MMP28: variants seen among roughly 807,000 people sequenced by gnomAD.
MMP28 encodes the protein matrix metallopeptidase 28.
A neutral mutation model predicts 60.5 loss-of-function variants in MMP28; 55 were observed. That is an observed-to-expected ratio of 0.91 (90% confidence interval 0.73 to 1.14). The LOEUF (loss-of-function observed/expected upper bound fraction) is 1.14, where lower values mean the gene tolerates loss of function less well. Ranked by LOEUF, MMP28 falls within the 50% of genes most tolerant of loss-of-function variation. The probability of loss-of-function intolerance (pLI) is 0.00; values close to 1 mark genes in which losing one functional copy is unlikely to be tolerated. For missense variants in MMP28, 686 were observed against 738.3 expected (o/e 0.93, Z 0.82); for synonymous variants, 318 against 312.5 (o/e 1.02, Z -0.18).
At chr17:35,791,233 G>T (rs1262157619) in intron 1 of MMP28, among the ~76,000 whole-genome samples, 1 of 151,930 alleles carries the variant, frequency 6.6e-6, no homozygotes, top group Non-Finnish European at 1.5e-5. Context: ...GGAAGCAGGG[G>T]TGGGCAAATA....
At chr17:35,776,031 C>T (rs1454719042) in intron 3 of MMP28, among the ~76,000 whole-genome samples, 1 of 151,790 alleles carries the variant, frequency 6.6e-6, no homozygotes, top group Non-Finnish European at 1.5e-5. Flanking sequence ...CCCCCCACCA[C>T]GCCTGGCTAA....
intron 2 of MMP28, chr17:35,757,148 C>T (rs2085748826): frequency 2.0e-5 from 3 of 148,704 alleles, no homozygotes; most frequent in Admixed American, 2.0e-4. Flanking sequence ...GAGACTCTGT[C>T]TCAAAATAAA....
chr17:35,787,899 CTT>C (rs532350874), intron 1 of MMP28, among the ~76,000 whole-genome samples: 6,567 of 103,930 alleles, frequency 0.063, 66 homozygotes, highest in South Asian at 0.13. Flanking sequence ...TTTTCTTTCC[CTT>C]TTTTTTTTTT....
chr17:35,761,041 A>C, downstream of MMP28: 1 of 1,434,624 alleles, frequency 7.0e-7, no homozygotes, highest in Non-Finnish European at 9.3e-7. Flanking sequence ...CATGAAGTCC[A>C]ACCTTTTCTC....
chr17:35,767,005 G>T (rs1555603757), intron 7 of MMP28, 111 bp from the exon 8 acceptor site: 3 of 1,023,946 alleles, frequency 2.9e-6, no homozygotes, highest in Non-Finnish European at 4.4e-6. Flanking sequence ...GCCCACGATG[G>T]TTGGTATTCA....
downstream of MMP28, among the ~76,000 whole-genome samples, chr17:35,761,735 A>C (rs1249914073): frequency 6.6e-6 from 1 of 152,164 alleles, no homozygotes; most frequent in Non-Finnish European, 1.5e-5. Flanking sequence ...ACGTCCCTCT[A>C]CAAGAATGTT....
At chr17:35,764,579 C>G (rs782341306), downstream of MMP28, 1 of 1,594,666 alleles carries the variant, frequency 6.3e-7, no homozygotes, top group East Asian at 2.4e-5. Context: ...TTCTGGATCA[C>G]CCGGATCTGG....
chr17:35,779,784 A>G (rs1480860487), intron 1 of MMP28, among the ~76,000 whole-genome samples: 1 of 152,200 alleles, frequency 6.6e-6, no homozygotes. Flanking sequence ...TGTGTGTGTG[A>G]GGACTAATCG....
At chr17:35,788,337 C>T (rs1338627598) in intron 1 of MMP28, among the ~76,000 whole-genome samples, 1 of 152,178 alleles carries the variant, frequency 6.6e-6, no homozygotes, top group Non-Finnish European at 1.5e-5. Flanking sequence ...TCTCACTAGA[C>T]TTGTGGGACT....
downstream of MMP28, among the ~76,000 whole-genome samples, chr17:35,761,376 C>G (rs1449631346): frequency 1.3e-5 from 2 of 150,932 alleles, no homozygotes; most frequent in Non-Finnish European, 2.9e-5. Context: ...CTCCCAAAGT[C>G]CTGGGATTAC....
intron 3 of MMP28, among the ~76,000 whole-genome samples, chr17:35,774,428 G>A (rs1174467518): frequency 1.3e-5 from 2 of 152,200 alleles, no homozygotes; most frequent in African/African-American, 2.4e-5. Flanking sequence ...GTCCCGGAAT[G>A]AGTAAGTAGC....
At chr17:35,771,696 A>AATATATATATATAT (rs71366482) in intron 4 of MMP28, among the ~76,000 whole-genome samples, 1 of 50,604 alleles carries the variant, frequency 2.0e-5, no homozygotes, top group Non-Finnish European at 3.9e-5. Flanking sequence ...TATAGAAGTG[A>AATATATATATATAT]ATATATATAT....
At position 35,756,394 on chromosome 17, in the gene MMP28, C is replaced by T. The variant is rs1355368962; in HGVS notation, c.*21G>A. On this transcript the variant is annotated 3_prime_UTR_variant, in exon 3 of 3. Transcript: ENST00000615317. ...TTGTTGTTACTTACATAGTCAATGC[C>T]GATCTCCCAGAACTTTGTCCTCAGG... 1.8e-5 allele frequency: 18 copies of T among 985,102 alleles called. No individual in the cohort carries two copies. In the East Asian group the frequency reaches 3.4e-4, roughly 19 times the overall value. The allele number at this position is 985,102 out of a possible 1,614,324, so 61.0% of individuals were successfully genotyped here.
intron 1 of MMP28, among the ~76,000 whole-genome samples, chr17:35,784,283 CAA>C (rs36072015): frequency 5.5e-5 from 7 of 128,340 alleles, no homozygotes; most frequent in East Asian, 2.2e-4. Flanking sequence ...ACTCCATTTC[CAA>C]AAAAAAAAAA....
intron 3 of MMP28, chr17:35,778,627 C>A: frequency 1.4e-6 from 1 of 731,714 alleles, no homozygotes; most frequent in African/African-American, 1.8e-5. Context: ...GAAAATTTAT[C>A]AAGGAATTAC....
Position 35,770,165 on chromosome 17 carries a change from G to T in MMP28, c.752C>A (p.Ser251Ter). 1 of 1,606,836 alleles carries T rather than the reference G, an allele frequency of 6.2e-7. No individual in the cohort carries two copies. The stretch of plus-strand genomic sequence containing the variant: ...CGCCATGAGCGCGCGCGGCGCGGGC[G>T]AGTGGGTGAGGCCAAGCGTGTGACC... ...EIGHTLGLTHSPAPRALMAPY... is the reference protein window; with the variant it reads ...EIGHTLGLTH The change falls in exon 5 of 8, where the codon TCG (serine) becomes TAG (stop). Residue 251 changes from serine (S) to a stop codon, truncating the protein, a stop_gained. Coordinates refer to ENST00000605424, the MANE Select transcript of MMP28 (RefSeq NM_024302.5). LOFTEE classifies it high-confidence loss of function.
At chr17:35,761,043 C>T (rs1713021436), downstream of MMP28, 1 of 1,416,682 alleles carries the variant, frequency 7.1e-7, no homozygotes, top group Middle Eastern at 2.0e-4. Context: ...TGAAGTCCAA[C>T]CTTTTCTCAG....
chr17:35,773,608 C>A (rs2086238605), intron 3 of MMP28, among the ~76,000 whole-genome samples: 1 of 152,200 alleles, frequency 6.6e-6, no homozygotes, highest in Non-Finnish European at 1.5e-5. Flanking sequence ...TGAGAGGACT[C>A]CCCTTACCCT....
At position 35,770,314 on chromosome 17, in the gene MMP28, T is replaced by C. The variant is rs1555605151; in HGVS notation, c.605-2A>G. 6.6e-7 allele frequency: 1 copy of C among 1,505,134 alleles called. No homozygotes were observed. 93.2% of individuals were successfully genotyped at this position (1,505,134 alleles called of 1,614,324 possible). A position where few individuals can be genotyped will look rare whatever the true frequency, so the allele number is the denominator to read the frequency against. On this transcript the variant is annotated splice_acceptor_variant, in intron 4 of 7. Coordinates refer to ENST00000605424, the MANE Select transcript of MMP28 (RefSeq NM_024302.5). LOFTEE classifies it high-confidence loss of function. ...GGAAGGCGTGCGCCAGGGCGCCCCC[T>C]GCAGGTGGGGCAGAAGGTCAGGGGG...
Sources: gnomAD v4.1 joint callset for allele counts (sites outside exome capture counted in the v4.1 genomes callset) on GRCh38, gnomAD v4.1.1 for gene constraint, MANE v1.5 for transcripts, NCBI Gene and HGNC (gene_info 2026-07-23, HGNC 2026-07-21) for gene names.